Variants in OR2L13 observed in about 807,000 individuals in gnomAD.
OR2L13 encodes olfactory receptor family 2 subfamily L member 13.
OR2L13 carries 14 observed loss-of-function variants against 15.3 expected under a neutral mutation model. That is an observed-to-expected ratio of 0.91 (90% CI 0.60 to 1.43). The LOEUF (loss-of-function observed/expected upper bound fraction) is 1.43, where lower values mean the gene tolerates loss of function less well. OR2L13 is among the 40% of genes most tolerant of loss of function. The pLI is 0.00. For missense variants in OR2L13, 367 were observed against 387.9 expected (o/e 0.95, Z 0.45); for synonymous variants, 152 against 142.9 (o/e 1.06, Z -0.45).
At chr1:247,996,344 C>A in the OR2L13 span, among the ~76,000 whole-genome samples, 1 of 152,156 alleles carries the variant, frequency 6.6e-6, no homozygotes, top group Admixed American at 6.5e-5. Context: ...GACTTCTTTT[C>A]CAAATTGGTA....
the OR2L13 span, chr1:248,003,316 T>G: frequency 1.2e-5 from 19 of 1,587,738 alleles, no homozygotes; most frequent in African/African-American, 8.1e-5. Context: ...GTTTCCTACT[T>G]AGTCAGCTCT....
chr1:247,984,453 A>G, the OR2L13 span, among the ~76,000 whole-genome samples: 2 of 152,164 alleles, frequency 1.3e-5, no homozygotes, highest in South Asian at 2.1e-4. Context: ...GTAATTTCAA[A>G]CAGTATATAT....
At chr1:248,095,754 A>C (rs149456174), upstream of OR2L13, among the ~76,000 whole-genome samples, 613 of 150,584 alleles carry the variant, frequency 4.1e-3, 8 homozygotes, top group African/African-American at 0.014. Flanking sequence ...TCACAGGCGC[A>C]TGCCACCACG....
the OR2L13 span, chr1:248,022,422 A>C: frequency 3.1e-6 from 5 of 1,614,230 alleles, no homozygotes; most frequent in Non-Finnish European, 4.2e-6. Context: ...TTGTGCTCAC[A>C]CAGTATATGC....
the OR2L13 span, chr1:248,022,889 A>C: frequency 6.3e-6 from 10 of 1,598,970 alleles, no homozygotes; most frequent in Non-Finnish European, 6.8e-6. Flanking sequence ...AAATGTAGAC[A>C]TACGTTCTGT....
the OR2L13 span, among the ~76,000 whole-genome samples, chr1:247,958,630 A>T: frequency 2.0e-5 from 3 of 152,198 alleles, no homozygotes; most frequent in Non-Finnish European, 4.4e-5. Flanking sequence ...GTGCTCCTGT[A>T]TTGGGTGCAT....
chr1:247,967,470 C>T, the OR2L13 span, among the ~76,000 whole-genome samples: 1 of 152,126 alleles, frequency 6.6e-6, no homozygotes, highest in Non-Finnish European at 1.5e-5. Flanking sequence ...CTCAAGTGAT[C>T]CTTCTGCCTT....
At chr1:248,035,396 C>T in the OR2L13 span, among the ~76,000 whole-genome samples, 1 of 151,916 alleles carries the variant, frequency 6.6e-6, no homozygotes, top group Non-Finnish European at 1.5e-5. Flanking sequence ...TTGCAGTGAG[C>T]CGAGATCGCG....
At chr1:247,989,681 T>C in the OR2L13 span, among the ~76,000 whole-genome samples, 1 of 152,206 alleles carries the variant, frequency 6.6e-6, no homozygotes. Context: ...TAATTCATAG[T>C]CTAACTAAAC....
the OR2L13 span, among the ~76,000 whole-genome samples, chr1:247,999,621 T>G: frequency 6.6e-6 from 1 of 152,148 alleles, no homozygotes; most frequent in Non-Finnish European, 1.5e-5. Flanking sequence ...GTGGAGGAAC[T>G]TGAAGGAAGG....
chr1:248,038,601 C>G, the OR2L13 span: 1 of 1,614,172 alleles, frequency 6.2e-7, no homozygotes, highest in Admixed American at 1.7e-5. Flanking sequence ...TGCAGAAGGG[C>G]TGCTCCTGAC....
At chr1:248,066,071 C>T in the OR2L13 span, among the ~76,000 whole-genome samples, 1 of 152,142 alleles carries the variant, frequency 6.6e-6, no homozygotes, top group Non-Finnish European at 1.5e-5. Flanking sequence ...TATCTTTACA[C>T]CCCCATATAC....
the OR2L13 span, among the ~76,000 whole-genome samples, chr1:248,042,975 T>C: frequency 6.6e-6 from 1 of 152,188 alleles, no homozygotes; most frequent in African/African-American, 2.4e-5. Context: ...CACCAAAAAA[T>C]GGACACTAGT....
the OR2L13 span, among the ~76,000 whole-genome samples, chr1:248,057,823 T>A: frequency 6.6e-6 from 1 of 152,192 alleles, no homozygotes; most frequent in Non-Finnish European, 1.5e-5. Context: ...TTACAACAGA[T>A]TCTGGTTGTT....
At chr1:247,940,960 G>T in the OR2L13 span, among the ~76,000 whole-genome samples, 89 of 152,002 alleles carry the variant, frequency 5.9e-4, no homozygotes, top group Non-Finnish European at 9.0e-4. Flanking sequence ...GTATGAAATG[G>T]TGTCTCATTG....
the OR2L13 span, among the ~76,000 whole-genome samples, chr1:248,037,953 G>C: frequency 6.6e-6 from 1 of 152,198 alleles, no homozygotes; most frequent in East Asian, 1.9e-4. Context: ...AGAAAAATGA[G>C]CACTTTTTCA....
chr1:248,090,817 G>A (rs545696684), upstream of OR2L13, among the ~76,000 whole-genome samples: 1 of 152,288 alleles, frequency 6.6e-6, no homozygotes, highest in Non-Finnish European at 1.5e-5. Flanking sequence ...TGAGATGGGT[G>A]GCTTGAATGG....
At chr1:247,968,495 G>GCCCCCCCCCCCCCCC in the OR2L13 span, among the ~76,000 whole-genome samples, 7 of 65,482 alleles carry the variant, frequency 1.1e-4, no homozygotes, top group African/African-American at 2.9e-4. Context: ...CCTTCCCCCA[G>GCCCCCCCCCCCCCCC]CCCCCCACCC....
At chr1:247,973,788 G>T in the OR2L13 span, among the ~76,000 whole-genome samples, 9 of 152,214 alleles carry the variant, frequency 5.9e-5, no homozygotes, top group Non-Finnish European at 1.2e-4. Flanking sequence ...ACAGATGCTG[G>T]TGAGCAAGTG....
Sources: allele counts gnomAD v4.1 joint callset (sites outside exome capture counted in the v4.1 genomes callset), GRCh38; gene constraint gnomAD v4.1.1; transcripts MANE v1.5; gene names NCBI Gene and HGNC (gene_info 2026-07-23, HGNC 2026-07-21).